Variants in EPHA6 observed in about 807,000 individuals in gnomAD.
The protein encoded by EPHA6 is EPH receptor A6, also known as ephrin type-A receptor 6.
EPHA6 carries 50 observed loss-of-function variants against 112.0 expected under a neutral mutation model. The ratio of observed to expected loss-of-function variants is 0.45; its 90% CI spans 0.36 to 0.56. EPHA6 has a LOEUF of 0.56. Ranked by LOEUF, EPHA6 falls within the 20% of genes least tolerant of loss-of-function variation. The pLI, the probability that EPHA6 is intolerant of heterozygous loss-of-function variation, is 0.00. For synonymous variants in EPHA6, 529 were observed against 490.7 expected (o/e 1.08, Z -1.03); for missense variants, 1,280 against 1,417.4 (o/e 0.90, Z 1.56).
intron 3 of EPHA6, among the ~76,000 whole-genome samples, chr3:97,027,956 A>T (rs1278093953): frequency 1.3e-5 from 2 of 152,190 alleles, no homozygotes; most frequent in Non-Finnish European, 2.9e-5. Context: ...CCCAAGGTGG[A>T]ATTGCGTGTC....
At chr3:97,735,196 G>T (rs1355970586) in intron 15 of EPHA6, among the ~76,000 whole-genome samples, 1 of 152,002 alleles carries the variant, frequency 6.6e-6, no homozygotes, top group Non-Finnish European at 1.5e-5. Context: ...ACATGTGACT[G>T]TGTGCTACCA....
At chr3:97,034,299 G>A (rs79923212) in intron 3 of EPHA6, among the ~76,000 whole-genome samples, 2,121 of 152,012 alleles carry the variant, frequency 0.014, 61 homozygotes, top group African/African-American at 0.048. Context: ...GACCTCCAAT[G>A]TGATGTTAAT....
chr3:97,548,066 C>A (rs1392303402), intron 11 of EPHA6, among the ~76,000 whole-genome samples: 1 of 152,156 alleles, frequency 6.6e-6, no homozygotes, highest in African/African-American at 2.4e-5. Flanking sequence ...TGCGCTGTAC[C>A]CACTGTCCTG....
At chr3:97,517,462 A>G (rs535510536) in intron 10 of EPHA6, among the ~76,000 whole-genome samples, 1 of 151,982 alleles carries the variant, frequency 6.6e-6, no homozygotes, top group Non-Finnish European at 1.5e-5. Context: ...TCTTTTTCAT[A>G]AATGTTATTT....
At chr3:97,455,428 G>C (rs1315044019) in intron 7 of EPHA6, among the ~76,000 whole-genome samples, 1 of 152,012 alleles carries the variant, frequency 6.6e-6, no homozygotes, top group Non-Finnish European at 1.5e-5. Flanking sequence ...GGTTATTATG[G>C]CATTAGGCCC....
intron 5 of EPHA6, among the ~76,000 whole-genome samples, chr3:97,384,170 A>G (rs571580086): frequency 6.6e-6 from 1 of 152,344 alleles, no homozygotes; most frequent in East Asian, 1.9e-4. Flanking sequence ...TAACAAGCCA[A>G]CTATTTTGAG....
chr3:97,663,305 T>A (rs984550970), intron 14 of EPHA6, among the ~76,000 whole-genome samples: 1 of 152,082 alleles, frequency 6.6e-6, no homozygotes, highest in Non-Finnish European at 1.5e-5. Flanking sequence ...TATTTTATTT[T>A]TTGTGGAGCC....
At chr3:97,178,303 T>C (rs1405067563) in intron 3 of EPHA6, among the ~76,000 whole-genome samples, 1 of 152,132 alleles carries the variant, frequency 6.6e-6, no homozygotes, top group Non-Finnish European at 1.5e-5. Context: ...CGGTATTCAC[T>C]ATGTCCTGAA....
intron 3 of EPHA6, among the ~76,000 whole-genome samples, chr3:97,161,977 T>G (rs1327981808): frequency 6.6e-6 from 1 of 152,220 alleles, no homozygotes; most frequent in East Asian, 1.9e-4. Context: ...ACATTGCTTC[T>G]GGTGGCCCTT....
intron 7 of EPHA6, chr3:97,466,165 T>C: frequency 1.5e-6 from 1 of 654,790 alleles, no homozygotes; most frequent in South Asian, 1.5e-5. Context: ...TAAGCACATT[T>C]CCACTCCATT....
rs1191368089 is a variant in EPHA6, at chr3:97,328,050, T to TACAC, written c.1607-77098_1607-77095dup. Among the ~76,000 whole-genome samples, 266 of 69,546 alleles carry TACAC rather than the reference T, an allele frequency of 3.8e-3. 10 individuals carry two copies. The highest frequency in any genetic ancestry group is 0.013 in the African/African-American group (259 of 20,538). 45.6% of individuals were successfully genotyped at this position (69,546 alleles called of 152,430 possible). ...ATATGTGTATATATACACACATATA[T>TACAC]ACACATATATATATATATATATATA... On this transcript the variant is annotated intron_variant, in intron 5 of 17. Coordinates refer to ENST00000389672, the MANE Select transcript of EPHA6 (RefSeq NM_001080448.3).
intron 10 of EPHA6, among the ~76,000 whole-genome samples, chr3:97,497,712 G>A (rs995287995): frequency 2.0e-5 from 3 of 152,096 alleles, no homozygotes; most frequent in Non-Finnish European, 2.9e-5. Flanking sequence ...AAAACCTAGT[G>A]TAGGGTTGAG....
intron 5 of EPHA6, among the ~76,000 whole-genome samples, chr3:97,320,767 A>T (rs1209793967): frequency 6.8e-6 from 1 of 146,072 alleles, no homozygotes; most frequent in Non-Finnish European, 1.5e-5. Context: ...CCTGTTTCTG[A>T]CCTTGATGGG....
intron 3 of EPHA6, among the ~76,000 whole-genome samples, chr3:97,062,145 A>G (rs530479601): frequency 6.6e-6 from 1 of 152,316 alleles, no homozygotes; most frequent in Non-Finnish European, 1.5e-5. Context: ...GTGACACATT[A>G]TGCAGCCTAT....
chr3:96,843,251 A>C (rs1345960161), intron 1 of EPHA6, among the ~76,000 whole-genome samples: 1 of 152,102 alleles, frequency 6.6e-6, no homozygotes, highest in Non-Finnish European at 1.5e-5. Flanking sequence ...CTGTTACTTT[A>C]CCTATTAACT....
At chr3:97,741,582 C>CA (rs2035507303) in intron 16 of EPHA6, among the ~76,000 whole-genome samples, 1 of 152,006 alleles carries the variant, frequency 6.6e-6, no homozygotes, top group South Asian at 2.1e-4. Flanking sequence ...ATCCCTTAGA[C>CA]ACGGAAACAG....
chr3:97,633,369 T>A (rs1482022606), intron 13 of EPHA6, among the ~76,000 whole-genome samples: 1 of 152,064 alleles, frequency 6.6e-6, no homozygotes, highest in Non-Finnish European at 1.5e-5. Context: ...ATATTCACTC[T>A]CTTTCATTTG....
chr3:96,847,670 AT>A (rs1398181396), intron 1 of EPHA6, among the ~76,000 whole-genome samples: 3 of 152,100 alleles, frequency 2.0e-5, no homozygotes, highest in Non-Finnish European at 4.4e-5. Context: ...ACAAGAAGTT[AT>A]TTTTGCTAAC....
intron 3 of EPHA6, among the ~76,000 whole-genome samples, chr3:97,204,624 G>A (rs1451435820): frequency 1.3e-5 from 2 of 152,058 alleles, no homozygotes; most frequent in South Asian, 2.1e-4. Context: ...ATTTAACGCA[G>A]AGAAGAAGTT....
Sources: gnomAD v4.1 joint callset for allele counts (sites outside exome capture counted in the v4.1 genomes callset) on GRCh38, gnomAD v4.1.1 for gene constraint, MANE v1.5 for transcripts, NCBI Gene and HGNC (gene_info 2026-07-23, HGNC 2026-07-21) for gene names.